AHNAK: variants seen among roughly 807,000 people sequenced by gnomAD.
AHNAK encodes the protein AHNAK nucleoprotein, also known as neuroblast differentiation-associated protein AHNAK.
A neutral mutation model predicts 37.8 loss-of-function variants in AHNAK; 23 were observed. The ratio of observed to expected loss-of-function variants is 0.61; its 90% CI spans 0.44 to 0.86. AHNAK has a LOEUF of 0.86. Ranked by LOEUF, AHNAK falls within the 40% of genes least tolerant of loss-of-function variation. The pLI is 0.00. For missense variants in AHNAK, 7,411 were observed against 7,319.4 expected (o/e 1.01, Z -0.46); for synonymous variants, 2,481 against 2,636.3 (o/e 0.94, Z 1.80).
intron 5 of AHNAK, among the ~76,000 whole-genome samples, chr11:62,439,589 T>C (rs1284039340): frequency 6.6e-6 from 1 of 152,106 alleles, no homozygotes; most frequent in Non-Finnish European, 1.5e-5. Flanking sequence ...TTCATTATCA[T>C]TTGTCTAACC....
chr11:62,529,448 C>A lies in AHNAK; in HGVS notation c.4969G>T (p.Asp1657Tyr), dbSNP rs777518092. The change falls in exon 5 of 5, where the codon GAT becomes TAT. Residue 1657 changes from aspartate (D) to tyrosine (Y), a missense_variant. Physicochemically the swap from Asp to Tyr is radical, Grantham distance 160 (BLOSUM62 -3). Coordinates refer to ENST00000378024, the MANE Select transcript of AHNAK (RefSeq NM_001620.3). ...HFKAPKISMP[D>Y]VDLHLKGPKV... ...GGGCCTTTCAAGTGTAAGTCCACAT[C>A]GGGCATGGAGATCTTGGGGGCCTTG... 2 of 1,614,066 alleles carry A rather than the reference C, an allele frequency of 1.2e-6. No homozygotes were observed. Among genetic ancestry groups the A allele is most frequent in the Non-Finnish European group, 1.7e-6 (2 of 1,180,024 alleles).
At chr11:62,487,972 G>A (rs1373918219) in intron 5 of AHNAK, among the ~76,000 whole-genome samples, 1 of 152,158 alleles carries the variant, frequency 6.6e-6, no homozygotes, top group Non-Finnish European at 1.5e-5. Context: ...CCATGATCAG[G>A]GGAAAGAGGC....
chr11:62,516,231 T>C lies in AHNAK; in HGVS notation c.*513A>G, dbSNP rs2134187277. 7.8e-7 allele frequency: 1 copy of C among 1,289,230 alleles called. No individual in the cohort carries two copies. Among genetic ancestry groups the C allele is most frequent in the Admixed American group, 2.3e-5 (1 of 43,560 alleles). The allele number at this position is 1,289,230 out of a possible 1,614,324, so 79.9% of individuals were successfully genotyped here. On this transcript the variant is annotated 3_prime_UTR_variant, in exon 5 of 5. Coordinates refer to ENST00000378024, the MANE Select transcript of AHNAK (RefSeq NM_001620.3). The stretch of plus-strand genomic sequence containing the variant: ...GAACCCTAAAAACACCCACACACCC[T>C]GACTACCACCACCTCTGGGCCATCT...
Position 62,520,901 on chromosome 11 carries a change from T to C in AHNAK, c.13516A>G (p.Lys4506Glu), listed in dbSNP as rs753431049. 2 of 1,614,206 alleles carry C rather than the reference T, an allele frequency of 1.2e-6. No individual in the cohort carries two copies. Among genetic ancestry groups the C allele is most frequent in the Admixed American group, 3.3e-5 (2 of 60,028 alleles). Residue 4506 changes from lysine to glutamate, a missense_variant, in exon 5 of 5, where the codon AAG (lysine) becomes GAG (glutamate). Physicochemically the swap from Lys to Glu is moderately conservative, Grantham distance 56. Transcript: ENST00000378024. Reference sequence around the variant, plus strand: ...AAATGTACATCAGGCATCTTAAACTTGGGACCTTTGAGCTTCCCTTCAGGA... The same window carrying C: ...AAATGTACATCAGGCATCTTAAACTCGGGACCTTTGAGCTTCCCTTCAGGA... ...EGPEGKLKGP[K>E]FKMPDVHFKS...
downstream of AHNAK, among the ~76,000 whole-genome samples, chr11:62,515,066 A>G (rs1364806544): frequency 6.6e-6 from 1 of 152,196 alleles, no homozygotes; most frequent in African/African-American, 2.4e-5. Context: ...CTGCCCAGCA[A>G]TGACCAACAT....
chr11:62,520,398 A>G lies in AHNAK; in HGVS notation c.14019T>C (p.Asp4673=). The G allele has an allele frequency of 6.2e-7, 1 of 1,613,016 alleles. No individual in the cohort carries two copies. Among genetic ancestry groups the G allele is most frequent in the Non-Finnish European group, 8.5e-7 (1 of 1,179,808 alleles). ...CAATGTCAGCCTTGGGCAGGTTCAC[A>G]TCCACATCTGGGCCCTCTCCTTTGA... ...PGFKGEGPDV[D]VNLPKADIDV... Residue 4673 remains aspartate, a synonymous_variant, in exon 5 of 5, where the codon GAT becomes GAC. Coordinates refer to ENST00000378024, the MANE Select transcript of AHNAK (RefSeq NM_001620.3).
rs1226521469 is a variant in AHNAK, at chr11:62,517,792, C to T, written c.16625G>A (p.Ser5542Asn). ...VGFHGAAPDI[S>N]VKGPAFNMAS... is the part of the protein sequence containing the mutation. Reference sequence around the variant, plus strand: ...CATATTAAAGGCAGGCCCCTTCACACTGATATCAGGAGCAGCCCCATGGAA... The same window carrying T: ...CATATTAAAGGCAGGCCCCTTCACATTGATATCAGGAGCAGCCCCATGGAA... Residue 5542 changes from serine to asparagine, a missense_variant, in exon 5 of 5, where the codon AGT becomes AAT. Coordinates refer to ENST00000378024, the MANE Select transcript of AHNAK (RefSeq NM_001620.3). 1.4e-5 allele frequency: 22 copies of T among 1,614,226 alleles called. No individual in the cohort carries two copies. The highest frequency in any genetic ancestry group is 1.9e-5 in the Non-Finnish European group (22 of 1,180,042).
At chr11:62,470,602 TCAAAAAA>T (rs895548075) in intron 5 of AHNAK, among the ~76,000 whole-genome samples, 33 of 152,032 alleles carry the variant, frequency 2.2e-4, no homozygotes, top group East Asian at 1.9e-3. Context: ...AGAGACTGTC[TCAAAAAA>T]CAAAAAACAA....
chr11:62,506,803 G>T (rs909234006), intron 4 of AHNAK, among the ~76,000 whole-genome samples: 5 of 152,126 alleles, frequency 3.3e-5, no homozygotes, highest in African/African-American at 1.2e-4. Flanking sequence ...ACCCAGGGTG[G>T]CCCGGGGCAG....
Position 62,531,389 on chromosome 11 carries a change from T to A in AHNAK, c.3028A>T (p.Ser1010Cys), listed in dbSNP as rs1358681025. 6.2e-7 allele frequency: 1 copy of A among 1,614,060 alleles called. No homozygotes were observed. The highest frequency in any genetic ancestry group is 8.5e-7 in the Non-Finnish European group (1 of 1,180,042). ...KIKMPKFSMP[S>C]LKGEGPEFDV... ...AATTCTGGCCCCTCTCCTTTGAGGCTGGGCATGCTAAATTTGGGCATTTTA... is the reference window on the plus strand; with the variant it reads ...AATTCTGGCCCCTCTCCTTTGAGGCAGGGCATGCTAAATTTGGGCATTTTA... The change falls in exon 5 of 5, where the codon AGC (serine) becomes TGC (cysteine). Residue 1010 changes from serine to cysteine, a missense_variant. Physicochemically the swap from Ser to Cys is moderately radical, Grantham distance 112. Coordinates refer to ENST00000378024, the MANE Select transcript of AHNAK (RefSeq NM_001620.3).
At chr11:62,479,904 T>C (rs1939231192) in intron 5 of AHNAK, among the ~76,000 whole-genome samples, 1 of 152,202 alleles carries the variant, frequency 6.6e-6, no homozygotes, top group Non-Finnish European at 1.5e-5. Flanking sequence ...TGTTTTTCAC[T>C]TCAATAAAAA....
Position 62,534,016 on chromosome 11 carries a change from T to A in AHNAK, c.401A>T (p.Lys134Met). The A allele has an allele frequency of 6.3e-7, 1 of 1,587,586 alleles. No homozygotes were observed. The highest frequency in any genetic ancestry group is 8.6e-7 in the Non-Finnish European group (1 of 1,165,286). ...GTCTCCTTCCACTCCATCTTCCGACTTCAGCCGTGGCTTGATCTTCGTGGT... is the reference window on the plus strand; with the variant it reads ...GTCTCCTTCCACTCCATCTTCCGACATCAGCCGTGGCTTGATCTTCGTGGT... ...IYTTKIKPRL[K>M]SEDGVEGDLG... Residue 134 changes from lysine (K) to methionine (M), a missense_variant, in exon 5 of 5, where the codon AAG becomes ATG. Lys to Met is a moderately conservative substitution (Grantham distance 95). Coordinates refer to ENST00000378024, the MANE Select transcript of AHNAK (RefSeq NM_001620.3).
chr11:62,523,302 C>T lies in AHNAK; in HGVS notation c.11115G>A (p.Val3705=). The T allele has an allele frequency of 6.2e-7, 1 of 1,613,456 alleles. No individual in the cohort carries two copies. The highest frequency in any genetic ancestry group is 8.5e-7 in the Non-Finnish European group (1 of 1,179,846). ...TGTCCACTTTGGGGCCCTTGATGTC[C>T]ACCTCAGGGCCTTTTAGATCACCTT... is the stretch of plus-strand genomic sequence containing the variant. ...KVEGDLKGPE[V]DIKGPKVDID... The change falls in exon 5 of 5, where the codon GTG becomes GTA. Residue 3705 remains valine (V), a synonymous_variant. Coordinates refer to ENST00000378024, the MANE Select transcript of AHNAK (RefSeq NM_001620.3).
chr11:62,450,324 T>A (rs1590590371), intron 5 of AHNAK, among the ~76,000 whole-genome samples: 2 of 150,778 alleles, frequency 1.3e-5, no homozygotes, highest in East Asian at 3.9e-4. Context: ...CGCCCGGCTA[T>A]TTTTTTTGTA....
At chr11:62,454,412 C>CA (rs5792260) in intron 5 of AHNAK, among the ~76,000 whole-genome samples, 68 of 126,104 alleles carry the variant, frequency 5.4e-4, no homozygotes, top group East Asian at 3.4e-3. Flanking sequence ...GACTCCATCT[C>CA]AAAAAAAAAA....
intron 5 of AHNAK, among the ~76,000 whole-genome samples, chr11:62,481,706 T>G (rs1168006331): frequency 7.0e-6 from 1 of 143,662 alleles, no homozygotes; most frequent in Non-Finnish European, 1.5e-5. Flanking sequence ...GCCTCTTGAG[T>G]AGCTGGGACT....
intron 5 of AHNAK, among the ~76,000 whole-genome samples, chr11:62,444,529 C>T (rs1459738946): frequency 1.3e-5 from 2 of 152,268 alleles, no homozygotes; most frequent in African/African-American, 4.8e-5. Context: ...GTGCCCCGCC[C>T]GGCAGCTGCT....
In AHNAK at chr11:62,517,063, T is replaced by A; in HGVS notation, c.17354A>T (p.Asp5785Val). The part of the protein sequence containing the change: ...KPRHRSNSFS[D>V]EREFSGPSTP... ...GGAAGGTCCAGAGAACTCTCTTTCA[T>A]CACTGAATGAATTTGAGCGGTGCCG... The change falls in exon 5 of 5, where the codon GAT becomes GTT. Residue 5785 changes from aspartate to valine, a missense_variant. Asp to Val is a radical substitution (Grantham distance 152). Coordinates refer to ENST00000378024, the MANE Select transcript of AHNAK (RefSeq NM_001620.3). 1.2e-6 allele frequency: 2 copies of A among 1,614,212 alleles called. No homozygotes were observed. Among genetic ancestry groups the A allele is most frequent in the Non-Finnish European group, 1.7e-6 (2 of 1,180,044 alleles).
intron 4 of AHNAK, among the ~76,000 whole-genome samples, chr11:62,507,281 C>T (rs1939828888): frequency 6.6e-6 from 1 of 152,030 alleles, no homozygotes; most frequent in South Asian, 2.1e-4. Context: ...GTTTCTTTGT[C>T]TGTTAAATGA....
Sources: allele counts gnomAD v4.1 joint callset (sites outside exome capture counted in the v4.1 genomes callset), GRCh38; gene constraint gnomAD v4.1.1; transcripts MANE v1.5; gene names NCBI Gene and HGNC (gene_info 2026-07-23, HGNC 2026-07-21).